NECTIN1: variants seen among roughly 807,000 people sequenced by gnomAD.
NECTIN1 encodes nectin cell adhesion molecule 1.
A neutral mutation model predicts 48.0 loss-of-function variants in NECTIN1; 23 were observed. That is an observed-to-expected ratio of 0.48 (90% CI 0.34 to 0.68). The LOEUF is 0.68. NECTIN1 is among the 30% of genes least tolerant of loss of function. The pLI is 0.01. For synonymous variants in NECTIN1, 270 were observed against 288.9 expected, an observed-to-expected ratio of 0.93 and a Z score of 0.66; for missense variants, 591 against 709.9, an observed-to-expected ratio of 0.83 and a Z score of 1.90.
intron 5 of NECTIN1, among the ~76,000 whole-genome samples, chr11:119,655,990 T>C (rs1392636173): frequency 6.6e-6 from 1 of 152,136 alleles, no homozygotes; most frequent in African/African-American, 2.4e-5. Context: ...CTCCAACTCC[T>C]GGGCTCAAGC....
chr11:119,662,215 G>A lies in NECTIN1; in HGVS notation c.*2532C>T. 3 of 985,486 alleles carry A rather than the reference G, an allele frequency of 3.0e-6. No homozygotes were observed. Among genetic ancestry groups the A allele is most frequent in the Non-Finnish European group, 3.6e-6 (3 of 829,936 alleles). 61.0% of individuals were successfully genotyped at this position (985,486 alleles called of 1,614,324 possible). A position where few individuals can be genotyped will look rare whatever the true frequency, so the allele number is the denominator to read the frequency against. On this transcript the variant is annotated 3_prime_UTR_variant, in exon 6 of 6. Coordinates refer to ENST00000264025, the MANE Select transcript of NECTIN1 (RefSeq NM_002855.5). The surrounding 1 kb of genome is among the most constrained non-coding windows in gnomAD (Gnocchi z 5.3). ...AGAAGCAAAATGTCCTCATCTCTCT[G>A]CTGGGCTAGACCTCCCTTTTGCCAG...
At chr11:119,674,382 G>A (rs1376355905) in intron 5 of NECTIN1, 1 of 1,486,278 alleles carries the variant, frequency 6.7e-7, no homozygotes, top group African/African-American at 1.4e-5. Flanking sequence ...GATGATGGAG[G>A]TCAGGGTAAT....
intron 5 of NECTIN1, among the ~76,000 whole-genome samples, chr11:119,652,723 C>T (rs964305724): frequency 2.0e-5 from 3 of 152,190 alleles, no homozygotes; most frequent in African/African-American, 7.2e-5. Context: ...AACTCTCATA[C>T]GCTGTTGGTG....
chr11:119,649,851 T>C (rs1488614304), intron 5 of NECTIN1, among the ~76,000 whole-genome samples: 1 of 152,208 alleles, frequency 6.6e-6, no homozygotes, highest in Non-Finnish European at 1.5e-5. Flanking sequence ...CCAGCAGAGT[T>C]GGGCTACTCA....
chr11:119,638,327 T>TCCAAC, intron 7 of NECTIN1: 2 of 1,541,120 alleles, frequency 1.3e-6, no homozygotes, highest in African/African-American at 1.4e-5. Context: ...CCCAGTTGGA[T>TCCAAC]TGGGACTCCT....
chr11:119,689,745 G>A (rs1158164883), intron 1 of NECTIN1, among the ~76,000 whole-genome samples: 4 of 152,182 alleles, frequency 2.6e-5, no homozygotes, highest in Admixed American at 2.0e-4. Context: ...CCTCGAGAAG[G>A]TCTTGGTCTC....
In NECTIN1 at chr11:119,664,766, T is replaced by C; in HGVS notation, c.1535A>G (p.Lys512Arg). Residue 512 changes from lysine to arginine, a missense_variant, in exon 6 of 6, where the codon AAG (lysine) becomes AGG (arginine). Transcript: ENST00000264025. ...VSQNDGSFIS[K>R]KEWYV is the part of the protein sequence containing the mutation. Reference sequence around the variant, plus strand: ...GGGGGGCTACACGTACCACTCCTTCTTGGAAATGAAAGACCCGTCGTTCTG... The same window carrying C: ...GGGGGGCTACACGTACCACTCCTTCCTGGAAATGAAAGACCCGTCGTTCTG... 6.2e-7 allele frequency: 1 copy of C among 1,612,024 alleles called. No homozygotes were observed. Among genetic ancestry groups the C allele is most frequent in the South Asian group, 1.1e-5 (1 of 90,732 alleles).
intron 1 of NECTIN1, among the ~76,000 whole-genome samples, chr11:119,696,502 AC>A (rs1565395609): frequency 6.6e-6 from 1 of 151,858 alleles, no homozygotes; most frequent in Non-Finnish European, 1.5e-5. Context: ...CAGCTGCCCC[AC>A]CCCCACTGAG....
At chr11:119,639,895 T>C (rs1466252584) in exon 6 of NECTIN1, 2 of 1,614,136 alleles carry the variant, frequency 1.2e-6, no homozygotes, top group Admixed American at 3.3e-5. Flanking sequence ...TGGGCTCTTC[T>C]GCTGCCGGTT....
chr11:119,654,576 C>CT lies in NECTIN1; in HGVS notation c.1004-14565dup, dbSNP rs11351493. On this transcript the variant is annotated intron_variant, in intron 5 of 7. Coordinates refer to the NECTIN1 transcript ENST00000341398. ...TGTGTGTGTGTTTCTTCAGGAACAC[C>CT]TTTTTTTTTTTTTGAGATGGAATCT... 4.1e-4 allele frequency among the ~76,000 whole-genome samples: 60 copies of CT among 146,144 alleles called. 1 individual carries two copies. The Middle Eastern group carries it at 0.011, about 26-fold the overall frequency.
chr11:119,658,685 A>C (rs1234487140), downstream of NECTIN1, among the ~76,000 whole-genome samples: 1 of 152,154 alleles, frequency 6.6e-6, no homozygotes, highest in Non-Finnish European at 1.5e-5. Context: ...CGACAACTCC[A>C]CTTAACACCA....
At chr11:119,645,275 C>T (rs1216118983) in intron 5 of NECTIN1, among the ~76,000 whole-genome samples, 1 of 152,164 alleles carries the variant, frequency 6.6e-6, no homozygotes, top group Non-Finnish European at 1.5e-5. Flanking sequence ...GACCTTTCCC[C>T]CAATGACCAG....
Position 119,683,822 on chromosome 11 carries a change from C to A in NECTIN1, c.80-5057G>T, listed in dbSNP as rs1009702353. 6.6e-6 allele frequency among the ~76,000 whole-genome samples: 1 copy of A among 152,100 alleles called. No homozygotes were observed. The highest frequency in any genetic ancestry group is 2.1e-4 in the South Asian group (1 of 4,822). On this transcript the variant is annotated intron_variant, in intron 1 of 5. Transcript: ENST00000264025. The surrounding 1 kb of genome is among the most constrained non-coding windows in gnomAD (Gnocchi z 4.0). ...TGAGCTCCAGGATCTGGGACCCATG[C>A]CCCTGGGGCTTGTTCTCAAGTGCCT... is the stretch of plus-strand genomic sequence containing the variant.
At chr11:119,693,484 C>T (rs557185695) in intron 1 of NECTIN1, among the ~76,000 whole-genome samples, 1 of 152,242 alleles carries the variant, frequency 6.6e-6, no homozygotes, top group Non-Finnish European at 1.5e-5. Flanking sequence ...AGAGTGACTG[C>T]CAAGCTCTGT....
At chr11:119,652,003 C>T (rs1017577646) in intron 5 of NECTIN1, among the ~76,000 whole-genome samples, 1 of 152,116 alleles carries the variant, frequency 6.6e-6, no homozygotes, top group Non-Finnish European at 1.5e-5. Flanking sequence ...AGAGCCCAGC[C>T]CCCTGCCTCC....
At chr11:119,644,954 G>T (rs527936558) in intron 5 of NECTIN1, among the ~76,000 whole-genome samples, 25 of 152,274 alleles carry the variant, frequency 1.6e-4, no homozygotes, top group Non-Finnish European at 3.4e-4. Context: ...TCTCCCTGGG[G>T]ACACAGACAC....
At chr11:119,714,047 C>T (rs992033609) in intron 1 of NECTIN1, 1 of 307,498 alleles carries the variant, frequency 3.3e-6, no homozygotes, top group Admixed American at 4.4e-5. Context: ...GAGGGTACAT[C>T]GAAGCTCAGA....
At chr11:119,705,518 T>C (rs1310914958) in intron 1 of NECTIN1, among the ~76,000 whole-genome samples, 1 of 152,130 alleles carries the variant, frequency 6.6e-6, no homozygotes, top group South Asian at 2.1e-4. Context: ...GGAGGAGATA[T>C]TCCAGGCAGA....
intron 1 of NECTIN1, among the ~76,000 whole-genome samples, chr11:119,689,580 G>A (rs993651626): frequency 6.6e-6 from 1 of 152,214 alleles, no homozygotes; most frequent in Non-Finnish European, 1.5e-5. Context: ...TGCTGAAGGG[G>A]CAATGAGGAG....
Sources: allele counts gnomAD v4.1 joint callset (sites outside exome capture counted in the v4.1 genomes callset), GRCh38; gene constraint gnomAD v4.1.1; non-coding constraint Gnocchi (gnomAD v3.1); transcripts MANE v1.5; gene names NCBI Gene and HGNC (gene_info 2026-07-23, HGNC 2026-07-21).